RHOU: variants seen among roughly 807,000 people sequenced by gnomAD.
RHOU encodes the protein ras homolog family member U, also known as rho-related GTP-binding protein RhoU.
A neutral mutation model predicts 12.6 loss-of-function variants in RHOU; 8 were observed. The ratio of observed to expected loss-of-function variants is 0.64; its 90% CI spans 0.37 to 1.15. The LOEUF is 1.15. Among genes scored for constraint, RHOU ranks in the 50% most tolerant of loss-of-function variants. RHOU has a pLI of 0.01. For missense variants in RHOU, 258 were observed against 347.0 expected (o/e 0.74, Z 2.04); for synonymous variants, 161 against 147.4 (o/e 1.09, Z -0.67).
the RHOU span, among the ~76,000 whole-genome samples, chr1:228,711,462 T>G: frequency 6.6e-6 from 1 of 151,920 alleles, no homozygotes; most frequent in African/African-American, 2.4e-5. Flanking sequence ...AAAACAGAGA[T>G]ATAGATCAAT....
chr1:228,655,106 CT>C, the RHOU span, among the ~76,000 whole-genome samples: 478 of 136,944 alleles, frequency 3.5e-3, 2 homozygotes, highest in East Asian at 8.7e-3. Flanking sequence ...ATTAACCTTG[CT>C]TTTTTTTTTT....
At chr1:228,665,782 G>A in the RHOU span, among the ~76,000 whole-genome samples, 1 of 152,118 alleles carries the variant, frequency 6.6e-6, no homozygotes, top group Non-Finnish European at 1.5e-5. Flanking sequence ...TATCCACATT[G>A]GTGAGGACAG....
chr1:228,706,051 AC>A, the RHOU span, among the ~76,000 whole-genome samples: 4 of 152,156 alleles, frequency 2.6e-5, no homozygotes, highest in African/African-American at 9.7e-5. Context: ...ATTTCAAAAA[AC>A]AAAAAAAAAG....
At chr1:228,691,187 C>T in the RHOU span, among the ~76,000 whole-genome samples, 1 of 152,012 alleles carries the variant, frequency 6.6e-6, no homozygotes, top group East Asian at 1.9e-4. Flanking sequence ...TTCCAGGCCT[C>T]CCTCACTATC....
chr1:228,724,574 C>G, the RHOU span, among the ~76,000 whole-genome samples: 1 of 152,148 alleles, frequency 6.6e-6, no homozygotes, highest in East Asian at 1.9e-4. Context: ...ACCTCAGCCT[C>G]CCAAAGTGCT....
the RHOU span, among the ~76,000 whole-genome samples, chr1:228,696,145 G>A: frequency 6.6e-6 from 1 of 151,758 alleles, no homozygotes; most frequent in Non-Finnish European, 1.5e-5. Context: ...TAGTAGTTTT[G>A]TTAGAATTTG....
chr1:228,690,891 C>T, the RHOU span, among the ~76,000 whole-genome samples: 5 of 152,206 alleles, frequency 3.3e-5, no homozygotes, highest in Non-Finnish European at 4.4e-5. Context: ...GCTGAGATTA[C>T]AGGCGTGAGC....
chr1:228,669,967 C>T, the RHOU span, among the ~76,000 whole-genome samples: 2 of 152,148 alleles, frequency 1.3e-5, no homozygotes, highest in Non-Finnish European at 2.9e-5. Flanking sequence ...CTTTTGAAAA[C>T]CTCCAGGCTC....
chr1:228,719,687 A>G, the RHOU span, among the ~76,000 whole-genome samples: 1 of 152,114 alleles, frequency 6.6e-6, no homozygotes, highest in Non-Finnish European at 1.5e-5. Flanking sequence ...CTGGGATCAC[A>G]CCACTGCACT....
the RHOU span, among the ~76,000 whole-genome samples, chr1:228,699,150 G>A: frequency 3.3e-5 from 5 of 151,330 alleles, no homozygotes; most frequent in South Asian, 2.1e-4. Context: ...AAGCCTTACC[G>A]GGCTGGGTAG....
At chr1:228,707,107 T>TATATATATATATATATATAC in the RHOU span, among the ~76,000 whole-genome samples, 4 of 88,344 alleles carry the variant, frequency 4.5e-5, no homozygotes, top group Admixed American at 2.4e-4. Flanking sequence ...TATACATACA[T>TATATATATATATATATATAC]ATATATATAT....
At chr1:228,736,097 G>GC in intron 1 of RHOU, 93 bp downstream of exon 1, 1 of 1,276,804 alleles carries the variant, frequency 7.8e-7, no homozygotes, top group Non-Finnish European at 1.0e-6. Flanking sequence ...TTCCCAAGGG[G>GC]GCTGCAGGGC....
chr1:228,653,596 G>A, the RHOU span, among the ~76,000 whole-genome samples: 1 of 152,116 alleles, frequency 6.6e-6, no homozygotes, highest in African/African-American at 2.4e-5. Context: ...TGAGATTACA[G>A]GCATGAGCCA....
chr1:228,736,017 GGGGGCC>G lies in RHOU; in HGVS notation c.262+24_262+29del. ...GACAACTTCTCCGGTGAGCTGGCCG[GGGGGCC>G]GGGGCCGGGGGCGCGTGGCCGCGGT... On this transcript the variant is annotated intron_variant, in intron 1 of 2. Coordinates refer to ENST00000366691, the MANE Select transcript of RHOU (RefSeq NM_021205.6). 2 of 1,573,134 alleles carry G rather than the reference GGGGGCC, an allele frequency of 1.3e-6. No individual in the cohort carries two copies. The highest frequency in any genetic ancestry group is 2.4e-5 in the East Asian group (1 of 40,884).
At chr1:228,654,094 C>T in the RHOU span, among the ~76,000 whole-genome samples, 28 of 150,660 alleles carry the variant, frequency 1.9e-4, no homozygotes, top group African/African-American at 6.6e-4. Flanking sequence ...TCCTGAAGCC[C>T]TGTAAGTTGA....
chr1:228,740,879 G>A (rs938234379), intron 2 of RHOU, among the ~76,000 whole-genome samples: 18 of 152,110 alleles, frequency 1.2e-4, no homozygotes, highest in African/African-American at 4.3e-4. Context: ...GAGGGTAGGC[G>A]AGTCTATAAG....
intron 2 of RHOU, among the ~76,000 whole-genome samples, chr1:228,739,906 G>C (rs980498242): frequency 3.3e-5 from 5 of 152,228 alleles, no homozygotes; most frequent in Admixed American, 3.3e-4. Flanking sequence ...AGGACCAGGT[G>C]GTGGGGGTAT....
the RHOU span, among the ~76,000 whole-genome samples, chr1:228,686,891 C>G: frequency 6.6e-6 from 1 of 152,058 alleles, no homozygotes; most frequent in African/African-American, 2.4e-5. Context: ...AGGTGTGTAC[C>G]ACCACATCTA....
chr1:228,668,798 T>A, the RHOU span, among the ~76,000 whole-genome samples: 1 of 152,354 alleles, frequency 6.6e-6, no homozygotes, highest in East Asian at 1.9e-4. Context: ...ACCTCCCTGC[T>A]GTCCTTTCAG....
Sources: allele counts gnomAD v4.1 joint callset (sites outside exome capture counted in the v4.1 genomes callset), GRCh38; gene constraint gnomAD v4.1.1; transcripts MANE v1.5; gene names NCBI Gene and HGNC (gene_info 2026-07-23, HGNC 2026-07-21).